The following PTPRN2 variants were observed in gnomAD, a reference collection of about 807,000 sequenced individuals.
PTPRN2 encodes receptor-type tyrosine-protein phosphatase N2.
PTPRN2 carries 74 observed loss-of-function variants against 118.8 expected under a neutral mutation model. The observed-to-expected ratio is 0.62, with a 90% CI of 0.52 to 0.76. PTPRN2 has a LOEUF of 0.76. Among genes scored for constraint, PTPRN2 ranks in the 30% least tolerant of loss-of-function variants. The pLI, the probability that PTPRN2 is intolerant of heterozygous loss-of-function variation, is 0.00. For missense variants in PTPRN2, 1,481 were observed against 1,394.4 expected (o/e 1.06, Z -0.99); for synonymous variants, 641 against 608.0 (o/e 1.05, Z -0.80).
intron 11 of PTPRN2, among the ~76,000 whole-genome samples, chr7:157,966,409 C>T (rs987613202): frequency 1.4e-4 from 22 of 151,984 alleles, no homozygotes; most frequent in Admixed American, 4.6e-4. Flanking sequence ...TCACCATCAT[C>T]GCCATCTTTA....
intron 2 of PTPRN2, among the ~76,000 whole-genome samples, chr7:158,487,026 T>C (rs569628734): frequency 1.3e-5 from 2 of 152,210 alleles, no homozygotes; most frequent in African/African-American, 4.8e-5. Context: ...AATCATTCAG[T>C]ATTTGTCCTT....
At chr7:158,383,197 T>A (rs1239313842) in intron 2 of PTPRN2, among the ~76,000 whole-genome samples, 3 of 152,210 alleles carry the variant, frequency 2.0e-5, no homozygotes. Flanking sequence ...TGCAGAACTC[T>A]TATTCAACAG....
intron 15 of PTPRN2, among the ~76,000 whole-genome samples, chr7:157,608,605 C>T (rs1802144410): frequency 6.6e-6 from 1 of 152,102 alleles, no homozygotes. Flanking sequence ...CCATCCAGTT[C>T]CCGAGTCCCC....
intron 13 of PTPRN2, among the ~76,000 whole-genome samples, chr7:157,673,734 T>C (rs577913597): frequency 6.8e-4 from 103 of 151,940 alleles, no homozygotes; most frequent in Non-Finnish European, 5.0e-4. Flanking sequence ...GCCGTTGCCT[T>C]TTTCTTCCTC....
intron 5 of PTPRN2, among the ~76,000 whole-genome samples, chr7:158,179,047 T>C (rs1212349043): frequency 7.2e-5 from 11 of 152,226 alleles, no homozygotes; most frequent in Non-Finnish European, 2.9e-5. Context: ...ATCAAAAGGG[T>C]AGATCAACTT....
chr7:157,930,561 G>A (rs1799295784), intron 11 of PTPRN2, among the ~76,000 whole-genome samples: 1 of 152,242 alleles, frequency 6.6e-6, no homozygotes, highest in South Asian at 2.1e-4. Context: ...CATCAGCCCT[G>A]CCTGGAGCAC....
intron 9 of PTPRN2, among the ~76,000 whole-genome samples, chr7:158,125,288 GA>G (rs1421844395): frequency 2.8e-5 from 4 of 144,072 alleles, no homozygotes; most frequent in African/African-American, 1.1e-4. Context: ...TCCCACGGCC[GA>G]CCCCCTGCCT....
At chr7:157,884,040 A>T (rs1023461711) in intron 12 of PTPRN2, among the ~76,000 whole-genome samples, 3 of 151,888 alleles carry the variant, frequency 2.0e-5, no homozygotes, top group Non-Finnish European at 4.4e-5. Context: ...TGACTGTCGA[A>T]AACCAGAACA....
intron 11 of PTPRN2, among the ~76,000 whole-genome samples, chr7:158,034,493 T>G (rs554942523): frequency 2.0e-5 from 3 of 152,336 alleles, no homozygotes; most frequent in African/African-American, 7.2e-5. Context: ...CCCTGCACTT[T>G]GCCTGCTGCC....
At chr7:157,936,953 AAG>A (rs1405427121) in intron 11 of PTPRN2, among the ~76,000 whole-genome samples, 3 of 152,242 alleles carry the variant, frequency 2.0e-5, no homozygotes, top group Non-Finnish European at 2.9e-5. Context: ...CATCTGTAAA[AAG>A]TATTCTTTCT....
chr7:158,456,308 GC>G (rs963751525), intron 2 of PTPRN2, among the ~76,000 whole-genome samples: 1 of 145,954 alleles, frequency 6.9e-6, no homozygotes, highest in Non-Finnish European at 1.5e-5. Flanking sequence ...TGGCACGGAT[GC>G]CATCAGCCAC....
rs61637431 is a variant in PTPRN2 at position 158,460,922 on chromosome 7, C to T, written c.163+28813G>A. Among the ~76,000 whole-genome samples, 532 of 152,314 alleles carry T rather than the reference C, an allele frequency of 3.5e-3. 3 individuals are homozygous for T. The highest frequency in any genetic ancestry group is 0.012 in the African/African-American group (489 of 41,572). ...GACATTACAGAGAGAAACGTGTGCA[C>T]GCTGGCAGCTAGCTGAAAAGTCAGC... On this transcript the variant is annotated intron_variant, in intron 2 of 22. Transcript: ENST00000389418.
At chr7:158,540,105 G>A (rs1365878394) in intron 1 of PTPRN2, among the ~76,000 whole-genome samples, 1 of 152,196 alleles carries the variant, frequency 6.6e-6, no homozygotes, top group Non-Finnish European at 1.5e-5. Flanking sequence ...CGTGGCTGCT[G>A]CAGCGGGTGC....
intron 2 of PTPRN2, 21 bp downstream of exon 2, chr7:158,489,714 C>G: frequency 4.5e-6 from 7 of 1,567,300 alleles, no homozygotes; most frequent in Non-Finnish European, 6.0e-6. Flanking sequence ...CAGGGCGCAG[C>G]AGCCAGGACC....
chr7:158,329,170 G>A (rs1239654073), intron 2 of PTPRN2, among the ~76,000 whole-genome samples: 1 of 152,208 alleles, frequency 6.6e-6, no homozygotes, highest in Non-Finnish European at 1.5e-5. Context: ...CAGTACTGAG[G>A]AGCCCAGCAG....
chr7:158,400,134 CA>C (rs1467279121), intron 2 of PTPRN2, among the ~76,000 whole-genome samples: 1 of 152,152 alleles, frequency 6.6e-6, no homozygotes, highest in African/African-American at 2.4e-5. Context: ...TGCTTTCTGA[CA>C]GTCTTTAGAG....
chr7:157,975,757 T>G (rs1802699340), intron 11 of PTPRN2, among the ~76,000 whole-genome samples: 1 of 150,040 alleles, frequency 6.7e-6, no homozygotes, highest in East Asian at 2.0e-4. Flanking sequence ...GAATTTACCT[T>G]TTTTTTTTTC....
intron 11 of PTPRN2, among the ~76,000 whole-genome samples, chr7:157,904,099 C>T (rs1262411514): frequency 6.6e-6 from 1 of 152,212 alleles, no homozygotes; most frequent in Admixed American, 6.5e-5. Flanking sequence ...CCGATCAGTG[C>T]TTCTGCTTGT....
At chr7:158,079,116 T>G (rs114944940) in intron 11 of PTPRN2, among the ~76,000 whole-genome samples, 364 of 152,360 alleles carry the variant, frequency 2.4e-3, no homozygotes, top group African/African-American at 7.6e-3. Flanking sequence ...ATGCTGGGTT[T>G]ACAGGTGTGA....
Sources: gnomAD v4.1 joint callset for allele counts (sites outside exome capture counted in the v4.1 genomes callset) on GRCh38, gnomAD v4.1.1 for gene constraint, MANE v1.5 for transcripts, NCBI Gene and HGNC (gene_info 2026-07-23, HGNC 2026-07-21) for gene names.